Variants in FBXL13 observed in about 807,000 individuals in gnomAD.
The protein encoded by FBXL13 is F-box and leucine-rich repeat protein 13.
A neutral mutation model predicts 83.6 loss-of-function variants in FBXL13; 67 were observed. The observed-to-expected ratio is 0.80, with a 90% CI of 0.66 to 0.98. The LOEUF (loss-of-function observed/expected upper bound fraction) is 0.98. Ranked by LOEUF, FBXL13 falls within the 50% of genes least tolerant of loss-of-function variation. The probability of loss-of-function intolerance (pLI) is 0.00; values close to 1 mark genes in which losing one functional copy is unlikely to be tolerated. For synonymous variants in FBXL13, 272 were observed against 299.5 expected, an observed-to-expected ratio of 0.91 and a Z score of 0.95; for missense variants, 822 against 866.5, an observed-to-expected ratio of 0.95 and a Z score of 0.64.
intron 8 of FBXL13, among the ~76,000 whole-genome samples, chr7:102,954,777 G>C (rs1423496482): frequency 1.3e-5 from 2 of 151,968 alleles, no homozygotes; most frequent in African/African-American, 4.8e-5. Flanking sequence ...AACCAACAAA[G>C]ATCAAAAGAG....
intron 6 of FBXL13, among the ~76,000 whole-genome samples, chr7:102,978,100 G>A (rs1192850412): frequency 6.6e-6 from 1 of 152,194 alleles, no homozygotes; most frequent in Middle Eastern, 3.4e-3. Context: ...AAAACTTAAA[G>A]TATAATAATA....
intron 12 of FBXL13, among the ~76,000 whole-genome samples, 177 bp from the exon 14 acceptor site, chr7:102,883,862 G>A (rs960178431): frequency 1.3e-5 from 2 of 152,066 alleles, no homozygotes; most frequent in Non-Finnish European, 2.9e-5. Flanking sequence ...TGACTAATGT[G>A]GAGGAATCAG....
chr7:103,071,681 C>T (rs539004783), intron 1 of FBXL13, among the ~76,000 whole-genome samples: 2 of 151,912 alleles, frequency 1.3e-5, no homozygotes, highest in African/African-American at 4.8e-5. Flanking sequence ...AGGCATGAAC[C>T]ACCAAGCCAG....
At chr7:102,839,604 C>A (rs142121020) in intron 17 of FBXL13, among the ~76,000 whole-genome samples, 1 of 152,058 alleles carries the variant, frequency 6.6e-6, no homozygotes, top group Non-Finnish European at 1.5e-5. Context: ...TCTGCCACCA[C>A]GCCCAGCTAA....
At chr7:102,841,727 G>C (rs1315255773) in intron 17 of FBXL13, among the ~76,000 whole-genome samples, 1 of 152,228 alleles carries the variant, frequency 6.6e-6, no homozygotes, top group Non-Finnish European at 1.5e-5. Flanking sequence ...CACAGGCTTT[G>C]AAGAAAGAAT....
intron 18 of FBXL13, among the ~76,000 whole-genome samples, chr7:102,832,444 A>G (rs1206207064): frequency 6.6e-6 from 1 of 152,226 alleles, no homozygotes; most frequent in Non-Finnish European, 1.5e-5. Flanking sequence ...TGTAACCCCA[A>G]GGTTATGGAT....
rs571103268 is a variant in FBXL13 at position 102,838,608 on chromosome 7, C to T, written c.1720-5634G>A. On this transcript the variant is annotated intron_variant, in intron 17 of 19. Transcript: ENST00000313221. ...CCTGTACCCTGAACAATTGCTTTGC[C>T]CTGAGATGCTATTAATCTGTAACTT... Among the ~76,000 whole-genome samples, 6 of 152,070 alleles carry T rather than the reference C, an allele frequency of 3.9e-5. No individual in the cohort carries two copies. In the South Asian group the frequency reaches 8.3e-4, roughly 21 times the overall value.
intron 19 of FBXL13, among the ~76,000 whole-genome samples, chr7:102,819,658 G>A (rs1798531943): frequency 6.6e-6 from 1 of 152,118 alleles, no homozygotes; most frequent in Non-Finnish European, 1.5e-5. Context: ...GCATTGCTTT[G>A]TGATTCAAAG....
chr7:102,866,655 T>C (rs920768675), intron 16 of FBXL13, among the ~76,000 whole-genome samples: 4 of 152,216 alleles, frequency 2.6e-5, no homozygotes, highest in South Asian at 4.1e-4. Context: ...GTGTGTTCCA[T>C]GCAGATGGGT....
In FBXL13 at chr7:102,980,537, C is replaced by T. The variant is rs140047032; in HGVS notation, c.496-12420G>A. Among the ~76,000 whole-genome samples the T allele has an allele frequency of 9.9e-4, 151 of 152,178 alleles. 1 individual carries two copies. The East Asian group carries it at 0.014, about 14-fold the overall frequency. ...TTACGCCTGTAATCCCAGCACTTTG[C>T]GAGGCTGAGGCAGGCGAATCACGAG... On this transcript the variant is annotated intron_variant, in intron 6 of 19. Coordinates refer to ENST00000313221, the Ensembl canonical transcript of FBXL13.
intron 2 of FBXL13, among the ~76,000 whole-genome samples, chr7:103,049,009 C>A (rs1228269722): frequency 6.6e-6 from 1 of 152,132 alleles, no homozygotes; most frequent in Non-Finnish European, 1.5e-5. Context: ...CATAAATTTT[C>A]TTTTATGAAT....
At chr7:102,910,882 C>A (rs1814538185) in intron 11 of FBXL13, among the ~76,000 whole-genome samples, 1 of 152,170 alleles carries the variant, frequency 6.6e-6, no homozygotes, top group African/African-American at 2.4e-5. Context: ...CCTCAGCCTC[C>A]CAGGCAGCTG....
intron 16 of FBXL13, among the ~76,000 whole-genome samples, chr7:102,876,270 C>T (rs902223757): frequency 5.3e-5 from 8 of 152,090 alleles, no homozygotes; most frequent in African/African-American, 1.2e-4. Context: ...TCCACCTGGA[C>T]GGGAAACTAA....
chr7:103,020,736 G>A (rs1488729568), intron 6 of FBXL13, among the ~76,000 whole-genome samples: 1 of 152,160 alleles, frequency 6.6e-6, no homozygotes, highest in Admixed American at 6.5e-5. Context: ...ATTCACAATT[G>A]CTTCAAAGAG....
chr7:103,066,232 A>AT lies in FBXL13; in HGVS notation c.-105+8013dup, dbSNP rs542028095. Reference sequence around the variant, plus strand: ...GAATTTATACATTTTCTGGGAAGACATTACATGTTGTTATTTTCCCATTCA... The same window carrying AT: ...GAATTTATACATTTTCTGGGAAGACATTTACATGTTGTTATTTTCCCATTCA... On this transcript the variant is annotated intron_variant, in intron 1 of 19. Coordinates refer to ENST00000313221, the Ensembl canonical transcript of FBXL13. Among the ~76,000 whole-genome samples, 50 of 152,326 alleles carry AT rather than the reference A, an allele frequency of 3.3e-4. No homozygotes were observed. The East Asian group carries it at 9.1e-3, about 28-fold the overall frequency.
chr7:102,867,306 T>C (rs1005493749), intron 16 of FBXL13, among the ~76,000 whole-genome samples: 2 of 152,046 alleles, frequency 1.3e-5, no homozygotes, highest in Admixed American at 1.3e-4. Context: ...TGCAGTGAGC[T>C]ATGATGATGC....
At chr7:102,834,086 A>AG (rs1554404904) in intron 17 of FBXL13, among the ~76,000 whole-genome samples, 2 of 93,678 alleles carry the variant, frequency 2.1e-5, no homozygotes, top group African/African-American at 9.2e-5. Flanking sequence ...GGAAGGAAAG[A>AG]AAAGAAAGAA....
At chr7:102,853,456 A>G (rs1299772386) in intron 17 of FBXL13, among the ~76,000 whole-genome samples, 4 of 152,204 alleles carry the variant, frequency 2.6e-5, no homozygotes, top group Non-Finnish European at 5.9e-5. Context: ...GGACATAGGC[A>G]TGGGCAAGGA....
intron 6 of FBXL13, among the ~76,000 whole-genome samples, chr7:102,994,344 A>G (rs1191493659): frequency 6.6e-6 from 1 of 152,014 alleles, no homozygotes; most frequent in African/African-American, 2.4e-5. Context: ...GGACAACTAA[A>G]CAGATGTATA....
Sources: allele counts gnomAD v4.1 joint callset (sites outside exome capture counted in the v4.1 genomes callset), GRCh38; gene constraint gnomAD v4.1.1; transcripts MANE v1.5; gene names NCBI Gene and HGNC (gene_info 2026-07-23, HGNC 2026-07-21).